The following DGLUCY variants were observed in gnomAD, a reference collection of about 807,000 sequenced individuals.
The protein encoded by DGLUCY is D-glutamate cyclase, mitochondrial.
A neutral mutation model predicts 58.5 loss-of-function variants in DGLUCY; 58 were observed. That is an observed-to-expected ratio of 0.99 (90% CI 0.80 to 1.23). The LOEUF (loss-of-function observed/expected upper bound fraction) is 1.23, where lower values mean the gene tolerates loss of function less well. Among genes scored for constraint, DGLUCY ranks in the 50% most tolerant of loss-of-function variants. The pLI is 0.00. For missense variants in DGLUCY, 779 were observed against 784.7 expected (o/e 0.99, Z 0.09); for synonymous variants, 325 against 314.1 (o/e 1.03, Z -0.37).
intron 3 of DGLUCY, chr14:91,165,202 C>T (rs759951126): frequency 8.8e-5 from 40 of 455,838 alleles, no homozygotes; most frequent in Admixed American, 2.1e-4. Context: ...TTAACATAAC[C>T]GTTACGTGTT....
intron 11 of DGLUCY, among the ~76,000 whole-genome samples, chr14:91,200,518 T>C (rs751356759): frequency 3.1e-4 from 47 of 152,342 alleles, no homozygotes; most frequent in Non-Finnish European, 4.1e-4. Context: ...TAGGACAGAA[T>C]GTACCATATA....
intron 1 of DGLUCY, among the ~76,000 whole-genome samples, chr14:91,082,069 C>T (rs2044136816): frequency 6.6e-6 from 1 of 152,146 alleles, no homozygotes; most frequent in Admixed American, 6.6e-5. Flanking sequence ...AACATATTCA[C>T]AGGCTCTGGG....
At chr14:91,184,584 G>T (rs1219023999) in intron 8 of DGLUCY, among the ~76,000 whole-genome samples, 2 of 114,132 alleles carry the variant, frequency 1.8e-5, no homozygotes, top group Admixed American at 1.7e-4. Context: ...AGTTGGGGGG[G>T]GGGAGGGAGG....
At chr14:91,133,670 T>G (rs2046164146) in intron 1 of DGLUCY, among the ~76,000 whole-genome samples, 1 of 152,168 alleles carries the variant, frequency 6.6e-6, no homozygotes, top group Non-Finnish European at 1.5e-5. Flanking sequence ...ATTACAGGCA[T>G]GAGCCACCGC....
chr14:91,212,810 G>T (rs1216418408), intron 12 of DGLUCY, among the ~76,000 whole-genome samples: 2 of 152,064 alleles, frequency 1.3e-5, no homozygotes, highest in African/African-American at 4.8e-5. Context: ...AGACCATCCT[G>T]GCTAACATGG....
chr14:91,186,419 G>A (rs946051183), intron 8 of DGLUCY, among the ~76,000 whole-genome samples: 4 of 151,938 alleles, frequency 2.6e-5, no homozygotes, highest in Non-Finnish European at 5.9e-5. Flanking sequence ...GCTAATTTTT[G>A]TATTTTTATT....
At chr14:91,137,122 C>T (rs1179416323) in intron 1 of DGLUCY, among the ~76,000 whole-genome samples, 4 of 151,140 alleles carry the variant, frequency 2.6e-5, no homozygotes, top group Admixed American at 6.6e-5. Flanking sequence ...CCCAGCAGAA[C>T]GTGTCTGTTC....
chr14:91,071,693 C>T (rs1412876922), intron 1 of DGLUCY, among the ~76,000 whole-genome samples: 2 of 151,642 alleles, frequency 1.3e-5, no homozygotes, highest in Non-Finnish European at 1.5e-5. Context: ...TATGGTGAAA[C>T]CCCGTCTCTA....
chr14:91,102,311 T>C (rs1006779522), intron 1 of DGLUCY, among the ~76,000 whole-genome samples: 2 of 152,222 alleles, frequency 1.3e-5, no homozygotes, highest in African/African-American at 4.8e-5. Flanking sequence ...TGTGAGGCGA[T>C]GGATGAAGTC....
chr14:91,217,171 G>A (rs1170014455), intron 13 of DGLUCY, among the ~76,000 whole-genome samples: 1 of 152,234 alleles, frequency 6.6e-6, no homozygotes, highest in East Asian at 1.9e-4. Context: ...AATATTCCCA[G>A]GTAATTTGGA....
chr14:91,182,201 G>A (rs1428240954), intron 8 of DGLUCY, among the ~76,000 whole-genome samples: 1 of 152,200 alleles, frequency 6.6e-6, no homozygotes, highest in Non-Finnish European at 1.5e-5. Context: ...GGCTGGTCTC[G>A]AACTCCTGAC....
chr14:91,203,752 C>T (rs187455722), intron 11 of DGLUCY, among the ~76,000 whole-genome samples: 21 of 151,630 alleles, frequency 1.4e-4, no homozygotes, highest in Admixed American at 3.9e-4. Context: ...TCTCAGCTCC[C>T]TATAACCTCT....
chr14:91,167,659 G>T (rs1021852080), intron 4 of DGLUCY: 6 of 704,152 alleles, frequency 8.5e-6, no homozygotes, highest in Non-Finnish European at 1.3e-5. Context: ...CCACTCCATC[G>T]CCCAAGCCAG....
chr14:91,207,542 A>G (rs1713643187), intron 12 of DGLUCY, among the ~76,000 whole-genome samples: 3 of 152,224 alleles, frequency 2.0e-5, no homozygotes, highest in Admixed American at 2.0e-4. Context: ...AGAACACTAA[A>G]GAGGATAAAT....
chr14:91,108,334 A>T (rs1335829450), intron 1 of DGLUCY, among the ~76,000 whole-genome samples: 1 of 151,816 alleles, frequency 6.6e-6, no homozygotes, highest in East Asian at 1.9e-4. Flanking sequence ...TTGGTTACTG[A>T]GTTGTTTGGT....
intron 1 of DGLUCY, among the ~76,000 whole-genome samples, chr14:91,065,716 G>A (rs2043808392): frequency 6.6e-6 from 1 of 152,208 alleles, no homozygotes; most frequent in African/African-American, 2.4e-5. Context: ...GGAAAAAACA[G>A]CAACTTTTCA....
intron 3 of DGLUCY, among the ~76,000 whole-genome samples, chr14:91,163,329 G>A (rs1333063707): frequency 6.6e-6 from 1 of 152,192 alleles, no homozygotes; most frequent in Non-Finnish European, 1.5e-5. Context: ...GGGTGAGTAG[G>A]GAGTGGGAGG....
chr14:91,090,369 GCT>G (rs1374520452), intron 1 of DGLUCY, among the ~76,000 whole-genome samples: 1 of 152,136 alleles, frequency 6.6e-6, no homozygotes, highest in Non-Finnish European at 1.5e-5. Context: ...GCCTCCACAT[GCT>G]CTGTTTCTTT....
chr14:91,182,625 T>C (rs2049251410), intron 8 of DGLUCY, among the ~76,000 whole-genome samples: 1 of 152,062 alleles, frequency 6.6e-6, no homozygotes, highest in South Asian at 2.1e-4. Flanking sequence ...GTCCCTAATC[T>C]CCCCCTTTAG....
Sources: allele counts gnomAD v4.1 joint callset (sites outside exome capture counted in the v4.1 genomes callset), GRCh38; gene constraint gnomAD v4.1.1; transcripts MANE v1.5; gene names NCBI Gene and HGNC (gene_info 2026-07-23, HGNC 2026-07-21).